Variants in NRP2 observed in about 807,000 individuals in gnomAD.
NRP2 encodes the protein neuropilin 2, also known as neuropilin-2.
Under a neutral mutation model 110.4 loss-of-function variants are expected in NRP2, and 52 were observed. The observed-to-expected ratio is 0.47, with a 90% CI of 0.38 to 0.59. NRP2 has a LOEUF of 0.59. Among genes scored for constraint, NRP2 ranks in the 20% least tolerant of loss-of-function variants. The pLI is 0.00. For missense variants in NRP2, 1,049 were observed against 1,203.0 expected (o/e 0.87, Z 1.89); for synonymous variants, 508 against 468.9 (o/e 1.08, Z -1.08).
At chr2:205,774,492 G>T (rs1317833968) in intron 15 of NRP2, among the ~76,000 whole-genome samples, 1 of 152,174 alleles carries the variant, frequency 6.6e-6, no homozygotes, top group East Asian at 1.9e-4. Flanking sequence ...GTCAAGGTGT[G>T]TGCAGAGCAA....
Position 205,763,790 on chromosome 2 carries a change from C to G in NRP2, c.2161C>G (p.Gln721Glu). The change falls in exon 13 of 17, where the codon CAG (glutamine) becomes GAG (glutamate). Residue 721 changes from glutamine to glutamate, a missense_variant. Coordinates refer to ENST00000357785, the MANE Select transcript of NRP2 (RefSeq NM_003872.3). This position sits in a 1 kb window ranked among gnomAD's most constrained non-coding sequence, Gnocchi z 4.0. ...CCCGGTGTGCATGGAGTTCCAGTAC[C>G]AGGCCACGGGCGGCCGCGGGGTGGC... ...RSPVCMEFQY[Q>E]ATGGRGVALQ... 6.2e-7 allele frequency: 1 copy of G among 1,614,202 alleles called. No homozygotes were observed.
intron 12 of NRP2, among the ~76,000 whole-genome samples, chr2:205,753,507 C>G (rs1306384906): frequency 6.6e-6 from 1 of 152,172 alleles, no homozygotes; most frequent in Non-Finnish European, 1.5e-5. Context: ...CACTTGGCCT[C>G]TAGAAGAGTA....
At chr2:205,738,798 G>T (rs849578) in intron 7 of NRP2, among the ~76,000 whole-genome samples, 16,585 of 152,180 alleles carry the variant, frequency 0.11, 1,206 homozygotes, top group East Asian at 0.4. Context: ...GGCTGGGTGC[G>T]CAGGGGGCAC....
chr2:205,709,615 C>T (rs192498992), intron 2 of NRP2, among the ~76,000 whole-genome samples: 183 of 152,362 alleles, frequency 1.2e-3, no homozygotes, highest in Non-Finnish European at 1.8e-3. Context: ...TCCCAGGTTA[C>T]ACAACACCCT....
At chr2:205,728,090 G>A (rs756022931) in intron 7 of NRP2, 44 bp downstream of exon 7, 1 of 1,612,236 alleles carries the variant, frequency 6.2e-7, no homozygotes, top group East Asian at 2.2e-5. Flanking sequence ...GACCAGGGCA[G>A]GAGGGATGGG....
rs1178320926 is a variant in NRP2 at position 205,682,654 on chromosome 2, C to CCAGCAGCAGCAA, written c.-625_-614dup. 6.0e-6 allele frequency: 1 copy of CCAGCAGCAGCAA among 166,760 alleles called. No homozygotes were observed. Among genetic ancestry groups the CCAGCAGCAGCAA allele is most frequent in the Non-Finnish European group, 1.3e-5 (1 of 78,920 alleles). The allele number at this position is 166,760 out of a possible 1,614,324, so 10.3% of individuals were successfully genotyped here. A position where few individuals can be genotyped will look rare whatever the true frequency, so the allele number is the denominator to read the frequency against. On this transcript the variant is annotated 5_prime_UTR_variant, in exon 1 of 17. Coordinates refer to ENST00000357785, the MANE Select transcript of NRP2 (RefSeq NM_003872.3). The surrounding 1 kb of genome is among the most constrained non-coding windows in gnomAD (Gnocchi z 4.3). ...GATCCCAGCCGCCACCGCCGCCGCA[C>CCAGCAGCAGCAA]CAGCAGCAGCAACAGCAGCAGCAGC...
In NRP2 at chr2:205,725,924, A is replaced by T. The variant is rs755021933; in HGVS notation, c.832A>T (p.Asn278Tyr). ...TCTGCTTTCCCCAGACTTTCAGTGC[A>T]ATGTTCCTCTGGGCATGGAGTCTGG... ...HQEPLENFQC[N>Y]VPLGMESGRI... is the part of the protein sequence containing the mutation. The change falls in exon 6 of 17, where the codon AAT becomes TAT. Residue 278 changes from asparagine to tyrosine, a missense_variant. Physicochemically the swap from Asn to Tyr is moderately radical, Grantham distance 143. Coordinates refer to ENST00000357785, the MANE Select transcript of NRP2 (RefSeq NM_003872.3). The surrounding 1 kb of genome is among the most constrained non-coding windows in gnomAD (Gnocchi z 4.1). 6.2e-7 allele frequency: 1 copy of T among 1,614,156 alleles called. No individual in the cohort carries two copies. The highest frequency in any genetic ancestry group is 2.2e-5 in the East Asian group (1 of 44,882).
chr2:205,703,991 G>A (rs1382803175), intron 2 of NRP2, among the ~76,000 whole-genome samples: 1 of 152,166 alleles, frequency 6.6e-6, no homozygotes, highest in East Asian at 1.9e-4. Flanking sequence ...TGGTCAGGAA[G>A]CAGGAAAGAC....
intron 2 of NRP2, among the ~76,000 whole-genome samples, chr2:205,709,512 A>G (rs555349189): frequency 5.9e-5 from 9 of 152,282 alleles, no homozygotes; most frequent in South Asian, 4.2e-4. Context: ...ATGAAACTGA[A>G]ACTCAGAGAG....
chr2:205,734,830 C>T (rs1429024053), intron 7 of NRP2, among the ~76,000 whole-genome samples: 2 of 152,174 alleles, frequency 1.3e-5, no homozygotes, highest in Non-Finnish European at 2.9e-5. Flanking sequence ...ATGTCTACCC[C>T]AGGGCTCCAG....
intron 15 of NRP2, among the ~76,000 whole-genome samples, chr2:205,790,098 A>G (rs1421135109): frequency 6.6e-6 from 1 of 152,188 alleles, no homozygotes; most frequent in East Asian, 1.9e-4. Flanking sequence ...CAGTGATTAT[A>G]TAAAAAGCCA....
chr2:205,793,217 T>C (rs370148880), intron 16 of NRP2, among the ~76,000 whole-genome samples: 1 of 152,312 alleles, frequency 6.6e-6, no homozygotes. Context: ...AGAGGCGCAC[T>C]GGAATGGAGT....
At chr2:205,739,714 A>T in intron 7 of NRP2, among the ~76,000 whole-genome samples, 1 of 142,258 alleles carries the variant, frequency 7.0e-6, no homozygotes, top group Admixed American at 7.3e-5. Context: ...AGCAGAGAGC[A>T]CAAAAAAGCA....
At position 205,726,125 on chromosome 2, in the gene NRP2, T is replaced by A. The variant is rs375470662; in HGVS notation, c.990+43T>A. 3.7e-6 allele frequency: 6 copies of A among 1,605,282 alleles called. No individual in the cohort carries two copies. The African/African-American group carries it at 6.7e-5, about 18-fold the overall frequency. On this transcript the variant is annotated intron_variant, in intron 6 of 16. Coordinates refer to ENST00000357785, the MANE Select transcript of NRP2 (RefSeq NM_003872.3). Reference sequence around the variant, plus strand: ...AGAGGATGTGAGAGTGTGTATGTATTGCTGGGGTAGGAGGGTAGCTCCTCA... The same window carrying A: ...AGAGGATGTGAGAGTGTGTATGTATAGCTGGGGTAGGAGGGTAGCTCCTCA...
chr2:205,783,348 A>G (rs1269993390), intron 15 of NRP2, among the ~76,000 whole-genome samples: 3 of 152,196 alleles, frequency 2.0e-5, no homozygotes, highest in South Asian at 2.1e-4. Context: ...TCCATGATTA[A>G]TGAGTTCCAC....
intron 2 of NRP2, among the ~76,000 whole-genome samples, chr2:205,706,226 C>T (rs2056673752): frequency 6.6e-6 from 1 of 151,776 alleles, no homozygotes; most frequent in South Asian, 2.1e-4. Flanking sequence ...CCTTTAGTGT[C>T]AATGGAGCTG....
intron 16 of NRP2, among the ~76,000 whole-genome samples, chr2:205,793,453 C>T (rs1338776019): frequency 6.6e-6 from 1 of 152,070 alleles, no homozygotes; most frequent in Non-Finnish European, 1.5e-5. Flanking sequence ...AGTGTAGAAA[C>T]GTAATTAGAT....
Position 205,749,807 on chromosome 2 carries a change from C to A in NRP2, c.1869C>A (p.Ala623=), listed in dbSNP as rs1242742530. The A allele has an allele frequency of 6.2e-7, 1 of 1,614,114 alleles. No individual in the cohort carries two copies. The highest frequency in any genetic ancestry group is 2.2e-5 in the East Asian group (1 of 44,868). The change falls in exon 11 of 17, where the codon GCC becomes GCA. Residue 623 remains alanine, a synonymous_variant. Transcript: ENST00000357785. ...CCCCCTACCCCACCGAAGAGGAGGC[C>A]ACAGAGTGTGGGGAGAACTGCAGCT... ...TTTPYPTEEE[A]TECGENCSFE... is the part of the protein sequence containing the mutation.
chr2:205,722,860 A>T, intron 4 of NRP2, 152 bp downstream of exon 4: 1 of 666,450 alleles, frequency 1.5e-6, no homozygotes, highest in Non-Finnish European at 2.7e-6. Context: ...CACTAAGGAT[A>T]GCTTGAGAGA....
Sources: gnomAD v4.1 joint callset for allele counts (sites outside exome capture counted in the v4.1 genomes callset) on GRCh38, gnomAD v4.1.1 for gene constraint, Gnocchi (gnomAD v3.1) non-coding constraint, MANE v1.5 for transcripts, NCBI Gene and HGNC (gene_info 2026-07-23, HGNC 2026-07-21) for gene names.